ESR1: variants seen among roughly 807,000 people sequenced by gnomAD.
ESR1 encodes estrogen receptor.
In ESR1, 12 loss-of-function variants were observed where a neutral mutation model predicts 52.7. That is an observed-to-expected ratio of 0.23 (90% CI 0.15 to 0.37). The LOEUF (loss-of-function observed/expected upper bound fraction) is 0.37, where lower values mean the gene tolerates loss of function less well. ESR1 is among the 10% of genes least tolerant of loss of function. ESR1 has a pLI of 1.00. For missense variants in ESR1, 584 were observed against 779.7 expected (o/e 0.75, Z 2.99); for synonymous variants, 305 against 316.8 (o/e 0.96, Z 0.39).
At chr6:151,770,703 TG>T (rs1785441592) in intron 2 of ESR1, among the ~76,000 whole-genome samples, 1 of 152,116 alleles carries the variant, frequency 6.6e-6, no homozygotes, top group Non-Finnish European at 1.5e-5. Flanking sequence ...TATCATTAAG[TG>T]GTTACATATG....
chr6:151,753,313 G>C (rs1237563118), intron 2 of ESR1, among the ~76,000 whole-genome samples: 3 of 142,712 alleles, frequency 2.1e-5, no homozygotes. Context: ...TGGGTTATTT[G>C]ATTGCATTTT....
intron 6 of ESR1, among the ~76,000 whole-genome samples, chr6:152,071,481 C>T (rs567122156): frequency 7.4e-4 from 113 of 152,250 alleles, no homozygotes; most frequent in Middle Eastern, 6.8e-3. Context: ...TGCTTAAACC[C>T]TTTGTGCTTC....
chr6:151,704,492 T>A (rs1216923126), intron 2 of ESR1, among the ~76,000 whole-genome samples: 2 of 152,178 alleles, frequency 1.3e-5, no homozygotes, highest in Non-Finnish European at 1.5e-5. Flanking sequence ...TGACCTCAGG[T>A]GATCCACCCG....
intron 6 of ESR1, among the ~76,000 whole-genome samples, chr6:152,067,780 T>C (rs111593635): frequency 2.8e-4 from 42 of 152,258 alleles, no homozygotes; most frequent in African/African-American, 9.9e-4. Context: ...TGAGCCAAGA[T>C]CGTGCCATTG....
chr6:151,835,666 A>C (rs1442051169), intron 1 of ESR1, among the ~76,000 whole-genome samples: 1 of 152,208 alleles, frequency 6.6e-6, no homozygotes, highest in African/African-American at 2.4e-5. Flanking sequence ...GAAACAATGA[A>C]TATGTGGGCG....
intron 4 of ESR1, among the ~76,000 whole-genome samples, chr6:152,009,193 A>G (rs1008724185): frequency 2.6e-5 from 4 of 151,764 alleles, no homozygotes; most frequent in Middle Eastern, 3.2e-3. Context: ...CCACTTTCTC[A>G]TTTTTCCTGA....
intron 2 of ESR1, among the ~76,000 whole-genome samples, chr6:151,866,467 T>A (rs965065554): frequency 6.6e-6 from 1 of 152,132 alleles, no homozygotes; most frequent in Non-Finnish European, 1.5e-5. Context: ...TCTAATGCTA[T>A]CCCTTCCCTA....
intron 2 of ESR1, among the ~76,000 whole-genome samples, chr6:151,706,711 G>A (rs1405490797): frequency 3.9e-5 from 6 of 152,128 alleles, no homozygotes; most frequent in Admixed American, 3.9e-4. Context: ...CTACTCAGGA[G>A]GAGAAACCAC....
At chr6:151,907,610 A>G (rs1365196472) in intron 3 of ESR1, among the ~76,000 whole-genome samples, 1 of 152,038 alleles carries the variant, frequency 6.6e-6, no homozygotes, top group Non-Finnish European at 1.5e-5. Context: ...GAGGAGCTGC[A>G]TTAATATTCC....
intron 5 of ESR1, among the ~76,000 whole-genome samples, chr6:152,057,918 C>T (rs1171969232): frequency 2.6e-5 from 4 of 152,008 alleles, no homozygotes; most frequent in South Asian, 2.1e-4. Context: ...ACGAGCTCTT[C>T]GTGGGAAACT....
chr6:151,730,019 C>T (rs1782123018), intron 2 of ESR1, among the ~76,000 whole-genome samples: 1 of 152,094 alleles, frequency 6.6e-6, no homozygotes, highest in Non-Finnish European at 1.5e-5. Flanking sequence ...TGAATTGTGC[C>T]CTAAAGCTAG....
At chr6:151,808,598 C>T (rs996859290) in intron 1 of ESR1, among the ~76,000 whole-genome samples, 2 of 152,134 alleles carry the variant, frequency 1.3e-5, no homozygotes, top group African/African-American at 4.8e-5. Context: ...TACTCTCCAC[C>T]CACTTACCGT....
At chr6:151,858,689 A>G (rs1442907212) in intron 2 of ESR1, among the ~76,000 whole-genome samples, 2 of 151,930 alleles carry the variant, frequency 1.3e-5, no homozygotes, top group Non-Finnish European at 2.9e-5. Context: ...TAGAAACAAG[A>G]CAACAATCAT....
chr6:152,052,308 A>G (rs1483614538), intron 5 of ESR1, among the ~76,000 whole-genome samples: 2 of 152,152 alleles, frequency 1.3e-5, no homozygotes, highest in African/African-American at 2.4e-5. Flanking sequence ...TCAAATTTCA[A>G]TGTGAGATTT....
At chr6:152,068,047 T>A (rs1328970562) in intron 6 of ESR1, among the ~76,000 whole-genome samples, 1 of 152,226 alleles carries the variant, frequency 6.6e-6, no homozygotes, top group Admixed American at 6.5e-5. Context: ...GGGAAACTGA[T>A]AATAACAATG....
rs1182554992 is a variant in ESR1, at chr6:151,880,688, A to G, written c.677A>G (p.Gln226Arg). Reference protein sequence around the residue: ...HNDYMCPATNQCTIDKNRRKS... With the variant: ...HNDYMCPATNRCTIDKNRRKS... ...GACTATATGTGTCCAGCCACCAACC[A>G]GTGCACCATTGATAAAAACAGGAGG... The change falls in exon 3 of 8, where the codon CAG becomes CGG. Residue 226 changes from glutamine (Q) to arginine (R), a missense_variant. Gln to Arg is a conservative substitution (Grantham distance 43). This residue lies in a region of ESR1 where 25 missense variants were observed against 53.0 expected (regional missense o/e 0.47). Coordinates refer to ENST00000206249, the MANE Select transcript of ESR1 (RefSeq NM_000125.4). 7 of 1,594,780 alleles carry G rather than the reference A, an allele frequency of 4.4e-6. No individual in the cohort carries two copies. In the Admixed American group the frequency reaches 5.0e-5, roughly 11 times the overall value.
chr6:152,016,744 TACTTATA>T (rs2128800943), intron 5 of ESR1, among the ~76,000 whole-genome samples: 1 of 152,338 alleles, frequency 6.6e-6, no homozygotes, highest in South Asian at 2.1e-4. Context: ...AAATAGTAGA[TACTTATA>T]ACTTTAAAAG....
intron 3 of ESR1, among the ~76,000 whole-genome samples, chr6:151,933,449 C>T (rs550028996): frequency 0.012 from 1,868 of 150,012 alleles, 17 homozygotes; most frequent in Non-Finnish European, 0.02. Flanking sequence ...CCTTTATTTC[C>T]TTCTCCTGCC....
intron 1 of ESR1, among the ~76,000 whole-genome samples, chr6:151,701,564 A>G (rs116335325): frequency 0.012 from 1,808 of 150,366 alleles, 43 homozygotes; most frequent in African/African-American, 0.043. Flanking sequence ...AAGAAGAAGA[A>G]ATGGAAGTCA....
Sources: allele counts gnomAD v4.1 joint callset (sites outside exome capture counted in the v4.1 genomes callset), GRCh38; gene constraint gnomAD v4.1.1; regional missense constraint gnomAD v4.1.1; transcripts MANE v1.5; gene names NCBI Gene and HGNC (gene_info 2026-07-23, HGNC 2026-07-21).